The following STK33 variants were observed in gnomAD, a reference collection of about 807,000 sequenced individuals.
STK33 encodes the protein serine/threonine kinase 33.
Under a neutral mutation model 58.0 loss-of-function variants are expected in STK33, and 52 were observed. The ratio of observed to expected loss-of-function variants is 0.90; its 90% CI spans 0.72 to 1.13. The LOEUF is 1.13. STK33 is among the 50% of genes most tolerant of loss of function. The pLI, the probability that STK33 is intolerant of heterozygous loss-of-function variation, is 0.00. For synonymous variants in STK33, 215 were observed against 200.1 expected, an observed-to-expected ratio of 1.07 and a Z score of -0.63; for missense variants, 630 against 604.2, an observed-to-expected ratio of 1.04 and a Z score of -0.45.
At chr11:8,506,152 G>C (rs1331730642) in intron 1 of STK33, among the ~76,000 whole-genome samples, 2 of 152,044 alleles carry the variant, frequency 1.3e-5, no homozygotes, top group African/African-American at 2.4e-5. Context: ...TTCAACTCTT[G>C]TCCTAAAATT....
chr11:8,589,861 G>A (rs1466671401), intron 1 of STK33, among the ~76,000 whole-genome samples: 1 of 152,144 alleles, frequency 6.6e-6, no homozygotes, highest in Non-Finnish European at 1.5e-5. Context: ...AGAAGATTGA[G>A]AGAAAAATTA....
At chr11:8,423,651 A>T (rs989590288) in intron 14 of STK33, among the ~76,000 whole-genome samples, 4 of 152,096 alleles carry the variant, frequency 2.6e-5, no homozygotes, top group Admixed American at 2.6e-4. Flanking sequence ...CAATTTTGGT[A>T]AATATTCCAC....
chr11:8,447,691 G>A (rs1255573222), intron 11 of STK33, among the ~76,000 whole-genome samples: 6 of 152,164 alleles, frequency 3.9e-5, no homozygotes, highest in African/African-American at 1.4e-4. Flanking sequence ...TACTTAATGG[G>A]CAAAAACTGG....
intron 1 of STK33, among the ~76,000 whole-genome samples, chr11:8,536,049 T>G (rs1429902611): frequency 6.6e-6 from 1 of 152,098 alleles, no homozygotes; most frequent in Non-Finnish European, 1.5e-5. Flanking sequence ...GCTAAAAATT[T>G]GATCACATGG....
chr11:8,447,272 C>T (rs1287264312), intron 11 of STK33, among the ~76,000 whole-genome samples: 1 of 152,130 alleles, frequency 6.6e-6, no homozygotes, highest in Non-Finnish European at 1.5e-5. Flanking sequence ...GGGAATCCTC[C>T]CTAACTCATT....
chr11:8,556,153 G>A (rs1026398541), intron 1 of STK33, among the ~76,000 whole-genome samples: 1 of 152,180 alleles, frequency 6.6e-6, no homozygotes, highest in Admixed American at 6.5e-5. Context: ...GTAGAATATT[G>A]AGACTAGGGC....
chr11:8,512,704 G>C (rs559636478), intron 1 of STK33, among the ~76,000 whole-genome samples: 1 of 151,910 alleles, frequency 6.6e-6, no homozygotes, highest in Non-Finnish European at 1.5e-5. Context: ...TTAGGTTCTC[G>C]CCTGTACTGT....
chr11:8,405,255 T>C (rs991135661), intron 15 of STK33, among the ~76,000 whole-genome samples: 8 of 152,248 alleles, frequency 5.3e-5, no homozygotes, highest in African/African-American at 1.9e-4. Flanking sequence ...CTGGACTTGT[T>C]AGTTTTTAAT....
chr11:8,345,173 G>A, the STK33 span, among the ~76,000 whole-genome samples: 2 of 152,316 alleles, frequency 1.3e-5, no homozygotes, highest in Middle Eastern at 3.4e-3. Flanking sequence ...CTTCACCTGA[G>A]AGGCCCCGCA....
chr11:8,396,376 G>C (rs745650800), intron 15 of STK33, among the ~76,000 whole-genome samples: 3 of 152,180 alleles, frequency 2.0e-5, no homozygotes, highest in Non-Finnish European at 4.4e-5. Flanking sequence ...GTAAAATACT[G>C]TATGTGTATG....
At chr11:8,421,441 T>A (rs1941908197) in intron 14 of STK33, among the ~76,000 whole-genome samples, 1 of 152,212 alleles carries the variant, frequency 6.6e-6, no homozygotes, top group African/African-American at 2.4e-5. Context: ...TCAGAAAAAG[T>A]TCCAGATACA....
At chr11:8,444,296 T>A (rs1457825170) in intron 11 of STK33, among the ~76,000 whole-genome samples, 1 of 152,100 alleles carries the variant, frequency 6.6e-6, no homozygotes, top group Non-Finnish European at 1.5e-5. Context: ...CATGTCAACC[T>A]GATAAAAAAA....
chr11:8,554,235 C>G (rs1320422063), intron 1 of STK33, among the ~76,000 whole-genome samples: 2 of 151,706 alleles, frequency 1.3e-5, no homozygotes, highest in African/African-American at 4.8e-5. Flanking sequence ...CTGGCTAACA[C>G]AGTGAAACCC....
At chr11:8,494,713 A>G (rs1167266243) in intron 1 of STK33, among the ~76,000 whole-genome samples, 1 of 152,246 alleles carries the variant, frequency 6.6e-6, no homozygotes, top group Non-Finnish European at 1.5e-5. Flanking sequence ...GGCTACAGTA[A>G]CCAAAACAGC....
intron 1 of STK33, among the ~76,000 whole-genome samples, chr11:8,534,560 CTCTCTCTCTGTGTGTG>C (rs1167966418): frequency 1.9e-4 from 23 of 119,958 alleles, no homozygotes; most frequent in Admixed American, 5.9e-4. Flanking sequence ...CTCTCTCTCT[CTCTCTCTCTGTGTGTG>C]TGTGTGTGTG....
intron 10 of STK33, 110 bp downstream of exon 10, chr11:8,454,634 T>G (rs1395969883): frequency 5.3e-6 from 7 of 1,312,656 alleles, no homozygotes; most frequent in Non-Finnish European, 7.0e-6. Flanking sequence ...AAGCCACTTA[T>G]TTTCTGGCTG....
the STK33 span, among the ~76,000 whole-genome samples, chr11:8,350,239 G>A: frequency 6.6e-6 from 1 of 152,208 alleles, no homozygotes; most frequent in Non-Finnish European, 1.5e-5. Flanking sequence ...CACCCACGCT[G>A]GGATGCAGGG....
chr11:8,348,175 C>T, the STK33 span, among the ~76,000 whole-genome samples: 1 of 152,206 alleles, frequency 6.6e-6, no homozygotes, highest in East Asian at 1.9e-4. Flanking sequence ...CAGATCCCTC[C>T]ACTTCCTCTT....
Position 8,395,596 on chromosome 11 carries a change from T to C in STK33, c.1345-2886A>G, listed in dbSNP as rs187915203. ...TTACACCTTGACTTTTTTCAACTAA[T>C]GATTATCTTGAAGATCATTCCATGT... On this transcript the variant is annotated intron_variant, in intron 15 of 15. Transcript: ENST00000687296. Among the ~76,000 whole-genome samples the C allele has an allele frequency of 2.6e-3, 395 of 152,334 alleles. 2 individuals carry two copies. Among genetic ancestry groups the C allele is most frequent in the African/African-American group, 9.0e-3 (376 of 41,584 alleles).
Sources: gnomAD v4.1 joint callset for allele counts (sites outside exome capture counted in the v4.1 genomes callset) on GRCh38, gnomAD v4.1.1 for gene constraint, MANE v1.5 for transcripts, NCBI Gene and HGNC (gene_info 2026-07-23, HGNC 2026-07-21) for gene names.